Variants in AQP1 observed in about 807,000 individuals in gnomAD.
The protein encoded by AQP1 is aquaporin 1 (Colton blood group).
In AQP1, 11 loss-of-function variants were observed where a neutral mutation model predicts 19.7. That is an observed-to-expected ratio of 0.56 (90% CI 0.35 to 0.92). The LOEUF (loss-of-function observed/expected upper bound fraction) is 0.92, where lower values mean the gene tolerates loss of function less well. Ranked by LOEUF, AQP1 falls within the 40% of genes least tolerant of loss-of-function variation. The probability of loss-of-function intolerance (pLI) is 0.01; values close to 1 mark genes in which losing one functional copy is unlikely to be tolerated. For missense variants in AQP1, 320 were observed against 369.7 expected (o/e 0.87, Z 1.10); for synonymous variants, 159 against 166.7 (o/e 0.95, Z 0.36).
rs1791576902 is a variant in AQP1, at chr7:30,923,289, G to A, written c.631-161G>A. The stretch of plus-strand genomic sequence containing the variant: ...GTACTCTGGCCTGGGCCGGTTCTGA[G>A]GGGCACCGGAATCATGATGTTAGGA... On this transcript the variant is annotated intron_variant, in intron 3 of 3. Transcript: ENST00000311813. This position sits in a 1 kb window ranked among gnomAD's most constrained non-coding sequence, Gnocchi z 4.8. Among the ~76,000 whole-genome samples the A allele has an allele frequency of 6.6e-6, 1 of 152,244 alleles. No homozygotes were observed. Among genetic ancestry groups the A allele is most frequent in the Non-Finnish European group, 1.5e-5 (1 of 68,038 alleles).
rs1461446918 is a variant in AQP1, at chr7:30,923,645, G to A, written c.*16G>A. 1.9e-6 allele frequency: 3 copies of A among 1,550,318 alleles called. No individual in the cohort carries two copies. The highest frequency in any genetic ancestry group is 2.3e-5 in the South Asian group (2 of 88,074). ...GCCCAAATAGAAGGGGTCTGGCCCGGGCATCCACGTAGGGGGCAGGGGCAG... is the reference window on the plus strand; with the variant it reads ...GCCCAAATAGAAGGGGTCTGGCCCGAGCATCCACGTAGGGGGCAGGGGCAG... On this transcript the variant is annotated 3_prime_UTR_variant, in exon 4 of 4. Transcript: ENST00000311813. The surrounding 1 kb of genome is among the most constrained non-coding windows in gnomAD (Gnocchi z 4.8).
intron 3 of AQP1, 134 bp downstream of exon 3, chr7:30,922,778 C>G (rs1158528249): frequency 1.1e-6 from 1 of 934,182 alleles, no homozygotes; most frequent in African/African-American, 1.6e-5. Flanking sequence ...GAAACTGAGG[C>G]CTGCCATGTA....
intron 1 of AQP1, among the ~76,000 whole-genome samples, chr7:30,918,182 C>T (rs911643068): frequency 6.6e-6 from 1 of 152,020 alleles, no homozygotes; most frequent in African/African-American, 2.4e-5. Context: ...TTAGTAGAGA[C>T]GGGGTTTAAC....
Position 30,923,101 on chromosome 7 carries a change from A to G in AQP1, c.631-349A>G, listed in dbSNP as rs1178901594. 1.3e-5 allele frequency among the ~76,000 whole-genome samples: 2 copies of G among 152,156 alleles called. No individual in the cohort carries two copies. The highest frequency in any genetic ancestry group is 2.9e-5 in the Non-Finnish European group (2 of 68,020). On this transcript the variant is annotated intron_variant, in intron 3 of 3. Coordinates refer to ENST00000311813, the MANE Select transcript of AQP1 (RefSeq NM_198098.4). This position sits in a 1 kb window ranked among gnomAD's most constrained non-coding sequence, Gnocchi z 4.8. ...AGGCGCTCAGTGGATTTTAGCTCTT[A>G]TGGTTGTGGATGTGGATGTGCTAGG...
Position 30,912,069 on chromosome 7 carries a change from C to T in AQP1, c.160C>T (p.Leu54=), listed in dbSNP as rs954729721. The change falls in exon 1 of 4, where the codon CTG becomes TTG. Residue 54 remains leucine (L), a synonymous_variant. Coordinates refer to ENST00000311813, the MANE Select transcript of AQP1 (RefSeq NM_198098.4). This position sits in a 1 kb window ranked among gnomAD's most constrained non-coding sequence, Gnocchi z 4.3. ...TAVQDNVKVS[L]AFGLSIATLA... is the part of the protein sequence containing the mutation. ...GGTCCAGGACAACGTGAAGGTGTCG[C>T]TGGCCTTCGGGCTGAGCATCGCCAC... The T allele has an allele frequency of 1.9e-6, 3 of 1,613,478 alleles. No homozygotes were observed. Among genetic ancestry groups the T allele is most frequent in the South Asian group, 1.1e-5 (1 of 91,092 alleles).
chr7:30,915,936 G>T (rs1791340018), intron 1 of AQP1, among the ~76,000 whole-genome samples: 1 of 152,168 alleles, frequency 6.6e-6, no homozygotes. Flanking sequence ...CCTGCCCAGG[G>T]AGGGGCTGGG....
intron 1 of AQP1, among the ~76,000 whole-genome samples, chr7:30,918,149 C>T (rs973035794): frequency 3.9e-5 from 6 of 152,026 alleles, no homozygotes; most frequent in East Asian, 3.9e-4. Flanking sequence ...CCACCACACC[C>T]GGCTAATTTT....
At chr7:30,919,556 CTTTTTTT>C (rs138132377) in intron 1 of AQP1, among the ~76,000 whole-genome samples, 17 of 138,684 alleles carry the variant, frequency 1.2e-4, no homozygotes, top group South Asian at 1.2e-3. Context: ...CTGATTCTTA[CTTTTTTT>C]TTTTTTTTTT....
chr7:30,920,950 C>A (rs1230554233), intron 1 of AQP1, among the ~76,000 whole-genome samples: 1 of 152,166 alleles, frequency 6.6e-6, no homozygotes, highest in Admixed American at 6.5e-5. Flanking sequence ...CCAAGGTGTG[C>A]CCCCCTACCT....
rs747369378 is a variant in AQP1 at position 30,924,056 on chromosome 7, A to C, written c.*427A>C. ...GGCCCTCCTTCTTTTCCTAACATGC[A>C]CCTTGCTCCCAATGGTGCTTGGAGG... On this transcript the variant is annotated 3_prime_UTR_variant, in exon 4 of 4. Coordinates refer to ENST00000311813, the MANE Select transcript of AQP1 (RefSeq NM_198098.4). 8 of 1,252,904 alleles carry C rather than the reference A, an allele frequency of 6.4e-6. No homozygotes were observed. The allele number at this position is 1,252,904 out of a possible 1,614,324, so 77.6% of individuals were successfully genotyped here.
intron 1 of AQP1, among the ~76,000 whole-genome samples, chr7:30,914,401 G>A (rs1398037803): frequency 6.6e-6 from 1 of 152,216 alleles, no homozygotes; most frequent in Non-Finnish European, 1.5e-5. Flanking sequence ...ATTGCTTTGA[G>A]CTTATCACCC....
intron 1 of AQP1, chr7:30,921,546 C>A: frequency 6.5e-7 from 1 of 1,535,222 alleles, no homozygotes; most frequent in Non-Finnish European, 8.8e-7. Flanking sequence ...GTGGAGGGAG[C>A]CAGGACCTCA....
Position 30,912,432 on chromosome 7 carries a change from G to A in AQP1, c.384+139G>A, listed in dbSNP as rs959668287. 8 of 1,295,920 alleles carry A rather than the reference G, an allele frequency of 6.2e-6. No individual in the cohort carries two copies. The highest frequency in any genetic ancestry group is 8.4e-6 in the Non-Finnish European group (8 of 955,622). 80.3% of individuals were successfully genotyped at this position (1,295,920 alleles called of 1,614,324 possible). ...GTTGCTGGAGGTCACGTAGAGAGCT[G>A]GGGGGAAGAGCTGGGGCTGGAACTC... On this transcript the variant is annotated intron_variant, in intron 1 of 3. Transcript: ENST00000311813. The surrounding 1 kb of genome is among the most constrained non-coding windows in gnomAD (Gnocchi z 4.3).
chr7:30,924,381 T>C lies in AQP1; in HGVS notation c.*752T>C, dbSNP rs1791624982. The C allele has an allele frequency of 6.0e-6, 1 of 166,894 alleles. No homozygotes were observed. The highest frequency in any genetic ancestry group is 1.3e-5 in the Non-Finnish European group (1 of 76,128). 10.3% of individuals were successfully genotyped at this position (166,894 alleles called of 1,614,324 possible). ...CTGTCGCCACACGCCTCTGTGTACA[T>C]GTGTGCAGAGCAGACAGGCTACAAA... is the stretch of plus-strand genomic sequence containing the variant. On this transcript the variant is annotated 3_prime_UTR_variant, in exon 4 of 4. Coordinates refer to ENST00000311813, the MANE Select transcript of AQP1 (RefSeq NM_198098.4).
At chr7:30,917,350 C>T (rs1791385427) in intron 1 of AQP1, among the ~76,000 whole-genome samples, 1 of 152,172 alleles carries the variant, frequency 6.6e-6, no homozygotes, top group Non-Finnish European at 1.5e-5. Context: ...GGAGCCTTTT[C>T]CTCTCCCTGC....
At chr7:30,913,204 G>A (rs1336411017) in intron 1 of AQP1, 1 of 152,342 alleles carries the variant, frequency 6.6e-6, no homozygotes, top group Non-Finnish European at 1.5e-5. Context: ...CTGTGGAAAA[G>A]AATGTCTCCT....
chr7:30,912,434 G>C lies in AQP1; in HGVS notation c.384+141G>C, dbSNP rs1791191540. On this transcript the variant is annotated intron_variant, in intron 1 of 3. Coordinates refer to ENST00000311813, the MANE Select transcript of AQP1 (RefSeq NM_198098.4). This position sits in a 1 kb window ranked among gnomAD's most constrained non-coding sequence, Gnocchi z 4.3. ...TGCTGGAGGTCACGTAGAGAGCTGG[G>C]GGGAAGAGCTGGGGCTGGAACTCAG... The C allele has an allele frequency of 4.6e-6, 6 of 1,293,696 alleles. No homozygotes were observed. Among genetic ancestry groups the C allele is most frequent in the Non-Finnish European group, 6.3e-6 (6 of 953,740 alleles). 80.1% of individuals were successfully genotyped at this position (1,293,696 alleles called of 1,614,324 possible).
chr7:30,913,247 G>A (rs1359490708), intron 1 of AQP1: 1 of 152,238 alleles, frequency 6.6e-6, no homozygotes, highest in African/African-American at 2.4e-5. Flanking sequence ...GGCCCTGGTG[G>A]CAGCTGCCTG....
intron 1 of AQP1, chr7:30,921,669 CT>C (rs1399684630): frequency 7.7e-6 from 12 of 1,550,878 alleles, no homozygotes; most frequent in Admixed American, 5.9e-5. Flanking sequence ...CTTTTTGCAT[CT>C]CTTCTCCTAG....
Sources: gnomAD v4.1 joint callset for allele counts (sites outside exome capture counted in the v4.1 genomes callset) on GRCh38, gnomAD v4.1.1 for gene constraint, Gnocchi (gnomAD v3.1) non-coding constraint, MANE v1.5 for transcripts, NCBI Gene and HGNC (gene_info 2026-07-23, HGNC 2026-07-21) for gene names.